The following MN1 variants were observed in gnomAD, a reference collection of about 807,000 sequenced individuals.
MN1 encodes the protein MN1 proto-oncogene, transcriptional regulator.
MN1 carries 19 observed loss-of-function variants against 86.9 expected under a neutral mutation model. The observed-to-expected ratio is 0.22, with a 90% confidence interval of 0.15 to 0.32. The LOEUF (loss-of-function observed/expected upper bound fraction) is 0.32, where lower values mean the gene tolerates loss of function less well. Among genes scored for constraint, MN1 ranks in the 10% least tolerant of loss-of-function variants. The probability of loss-of-function intolerance (pLI) is 1.00; values close to 1 mark genes in which losing one functional copy is unlikely to be tolerated. For missense variants in MN1, 1,841 were observed against 1,862.0 expected (o/e 0.99, Z 0.21); for synonymous variants, 928 against 849.6 (o/e 1.09, Z -1.60).
intron 1 of MN1, among the ~76,000 whole-genome samples, chr22:27,777,096 C>T (rs980688878): frequency 6.6e-6 from 1 of 152,174 alleles, no homozygotes; most frequent in African/African-American, 2.4e-5. Context: ...CTTTACCGCC[C>T]CACCTTTATT....
chr22:27,777,259 G>A (rs1247725679), intron 1 of MN1, among the ~76,000 whole-genome samples: 1 of 152,202 alleles, frequency 6.6e-6, no homozygotes, highest in Non-Finnish European at 1.5e-5. Context: ...CTGGCTGGGT[G>A]CAGCATCTCA....
At chr22:27,794,817 GTT>G (rs71194737) in intron 1 of MN1, among the ~76,000 whole-genome samples, 10 of 128,986 alleles carry the variant, frequency 7.8e-5, no homozygotes, top group Admixed American at 3.9e-4. Flanking sequence ...CAGGGTTGTT[GTT>G]TTTTTTTTTT....
Position 27,801,372 on chromosome 22 carries a change from T to C in MN1, c.-829A>G, listed in dbSNP as rs1026784759. On this transcript the variant is annotated 5_prime_UTR_variant, in exon 1 of 2. Transcript: ENST00000302326. ...CAGCTTCGCGGCCACGTCCGCCGCC[T>C]GCCGCTTCTGTTCTCCGCCGTTGGG... is the stretch of plus-strand genomic sequence containing the variant. The C allele has an allele frequency of 7.0e-5, 15 of 214,680 alleles. No individual in the cohort carries two copies. The highest frequency in any genetic ancestry group is 1.3e-4 in the Non-Finnish European group (14 of 106,074). 13.3% of individuals were successfully genotyped at this position (214,680 alleles called of 1,614,324 possible).
At chr22:27,768,255 A>T (rs1294324327) in intron 1 of MN1, among the ~76,000 whole-genome samples, 1 of 152,174 alleles carries the variant, frequency 6.6e-6, no homozygotes, top group Non-Finnish European at 1.5e-5. Context: ...AGAGATGGGC[A>T]TACTCATCCA....
intron 1 of MN1, among the ~76,000 whole-genome samples, chr22:27,774,463 A>C (rs370141036): frequency 1.4e-4 from 22 of 152,288 alleles, no homozygotes; most frequent in East Asian, 5.8e-4. Context: ...GGTCCACCCC[A>C]CGGGTCAGAC....
rs45457893 is a variant in MN1, at chr22:27,772,817, T to C, written c.3782-21721A>G. Among the ~76,000 whole-genome samples the C allele has an allele frequency of 9.4e-3, 1,429 of 151,912 alleles. 26 individuals are homozygous for C. Among genetic ancestry groups the C allele is most frequent in the African/African-American group, 0.032 (1,333 of 41,372 alleles). On this transcript the variant is annotated intron_variant, in intron 1 of 1. Coordinates refer to ENST00000302326, the MANE Select transcript of MN1 (RefSeq NM_002430.3). ...CTCATCAGGGTTTGGTACTTAGCAA[T>C]TGCTCCATGGATGCTGCTGTCACTA...
rs1252505672 is a variant in MN1, at chr22:27,751,095, G to A, written c.3783C>T (p.Ala1261=). 7.7e-6 allele frequency: 12 copies of A among 1,568,058 alleles called. No individual in the cohort carries two copies. Among genetic ancestry groups the A allele is most frequent in the Non-Finnish European group, 9.5e-6 (11 of 1,152,738 alleles). ...AKPQNPNSKE[A]HDLPANKASA... Reference sequence around the variant, plus strand: ...AGGCCTTGTTTGCAGGGAGGTCGTGGGCTGTGGAGAGAGAAGGAAGAGAGG... The same window carrying A: ...AGGCCTTGTTTGCAGGGAGGTCGTGAGCTGTGGAGAGAGAAGGAAGAGAGG... The change falls in exon 2 of 2, where the codon GCC becomes GCT. Residue 1261 remains alanine, a splice_region_variant and synonymous_variant. Coordinates refer to ENST00000302326, the MANE Select transcript of MN1 (RefSeq NM_002430.3).
chr22:27,773,756 A>T (rs1214792643), intron 1 of MN1, among the ~76,000 whole-genome samples: 1 of 152,154 alleles, frequency 6.6e-6, no homozygotes, highest in Non-Finnish European at 1.5e-5. Context: ...TCCCGGGTTC[A>T]AGCAGTTCTC....
intron 1 of MN1, 78 bp from the exon 2 acceptor site, chr22:27,751,174 A>G: frequency 7.6e-7 from 1 of 1,310,358 alleles, no homozygotes; most frequent in Non-Finnish European, 1.0e-6. Flanking sequence ...CCAAAGTGGC[A>G]GAGGCATACA....
chr22:27,762,672 C>T (rs1183173583), intron 1 of MN1, among the ~76,000 whole-genome samples: 1 of 152,060 alleles, frequency 6.6e-6, no homozygotes, highest in Non-Finnish European at 1.5e-5. Flanking sequence ...CTCTCTGAGC[C>T]CCAGCATGCT....
In MN1 at chr22:27,799,841, A is replaced by C; in HGVS notation, c.703T>G (p.Tyr235Asp). Reference sequence around the variant, plus strand: ...TGTCCCGAGGGCGCCTCGCCCGGGTAATTGTATTCCAGCGAGTCGACGGCT... The same window carrying C: ...TGTCCCGAGGGCGCCTCGCCCGGGTCATTGTATTCCAGCGAGTCGACGGCT... Reference protein sequence around the residue: ...QGAVDSLEYNYPGEAPSGHFD... With the variant: ...QGAVDSLEYNDPGEAPSGHFD... The change falls in exon 1 of 2, where the codon TAC (tyrosine) becomes GAC (aspartate). Residue 235 changes from tyrosine to aspartate, a missense_variant. Tyr to Asp is a radical substitution (Grantham distance 160, BLOSUM62 -3). Coordinates refer to ENST00000302326, the MANE Select transcript of MN1 (RefSeq NM_002430.3). 6.2e-7 allele frequency: 1 copy of C among 1,601,128 alleles called. No individual in the cohort carries two copies.
chr22:27,748,648 C>A lies in MN1; in HGVS notation c.*2267G>T, dbSNP rs1932721661. On this transcript the variant is annotated 3_prime_UTR_variant, in exon 2 of 2. Coordinates refer to ENST00000302326, the MANE Select transcript of MN1 (RefSeq NM_002430.3). ...TTTACTTTTATTCTTTCCATTAAAC[C>A]AAATTTAATGAAATAACATCCTTTT... The A allele has an allele frequency of 4.7e-6, 1 of 211,394 alleles. No homozygotes were observed. Among genetic ancestry groups the A allele is most frequent in the South Asian group, 1.9e-4 (1 of 5,320 alleles). The allele number at this position is 211,394 out of a possible 1,614,324, so 13.1% of individuals were successfully genotyped here.
chr22:27,779,088 A>G lies in MN1; in HGVS notation c.3781+17675T>C, dbSNP rs566269063. Reference sequence around the variant, plus strand: ...CCCGGTCCCTCTGCAGGAAATCCTCATCACCCCTCCTACACCTCAGGGGCC... The same window carrying G: ...CCCGGTCCCTCTGCAGGAAATCCTCGTCACCCCTCCTACACCTCAGGGGCC... On this transcript the variant is annotated intron_variant, in intron 1 of 1. Coordinates refer to ENST00000302326, the MANE Select transcript of MN1 (RefSeq NM_002430.3). Among the ~76,000 whole-genome samples the G allele has an allele frequency of 3.9e-4, 60 of 152,182 alleles. No homozygotes were observed. In the South Asian group the frequency reaches 7.9e-3, roughly 20 times the overall value.
intron 1 of MN1, among the ~76,000 whole-genome samples, chr22:27,773,028 C>G (rs2146302611): frequency 6.6e-6 from 1 of 152,008 alleles, no homozygotes; most frequent in East Asian, 2.0e-4. Flanking sequence ...GCCCCATACA[C>G]AGAACCTCTG....
intron 1 of MN1, among the ~76,000 whole-genome samples, chr22:27,781,236 T>A (rs1016913079): frequency 4.6e-5 from 7 of 152,096 alleles, no homozygotes; most frequent in Non-Finnish European, 8.8e-5. Context: ...CAGCCCTGAG[T>A]ATTATTTTGA....
chr22:27,758,897 T>C (rs1310327091), intron 1 of MN1, among the ~76,000 whole-genome samples: 1 of 152,048 alleles, frequency 6.6e-6, no homozygotes, highest in Non-Finnish European at 1.5e-5. Context: ...ATGATCACAG[T>C]TCACTACAAC....
At position 27,801,356 on chromosome 22, in the gene MN1, G is replaced by T. The variant is rs1218533066; in HGVS notation, c.-813C>A. ...CGCTGCGTTCGGCGCGCAGCTTCGC[G>T]GCCACGTCCGCCGCCTGCCGCTTCT... is the stretch of plus-strand genomic sequence containing the variant. On this transcript the variant is annotated 5_prime_UTR_variant, in exon 1 of 2. Coordinates refer to ENST00000302326, the MANE Select transcript of MN1 (RefSeq NM_002430.3). The T allele has an allele frequency of 4.6e-6, 1 of 216,514 alleles. No individual in the cohort carries two copies. Among genetic ancestry groups the T allele is most frequent in the Non-Finnish European group, 9.3e-6 (1 of 107,170 alleles). 13.4% of individuals were successfully genotyped at this position (216,514 alleles called of 1,614,324 possible).
chr22:27,765,967 C>A (rs1320188076), intron 1 of MN1, among the ~76,000 whole-genome samples: 1 of 152,188 alleles, frequency 6.6e-6, no homozygotes, highest in African/African-American at 2.4e-5. Flanking sequence ...TCAGTGGCAA[C>A]CACCCTAGGG....
chr22:27,793,328 C>A (rs1013952255), intron 1 of MN1, among the ~76,000 whole-genome samples: 1 of 148,406 alleles, frequency 6.7e-6, no homozygotes, highest in Admixed American at 6.6e-5. Context: ...TAGCCACACA[C>A]CTATTACAAA....
Sources: gnomAD v4.1 joint callset for allele counts (sites outside exome capture counted in the v4.1 genomes callset) on GRCh38, gnomAD v4.1.1 for gene constraint, MANE v1.5 for transcripts, NCBI Gene and HGNC (gene_info 2026-07-23, HGNC 2026-07-21) for gene names.